Variants in RAB3C observed in about 807,000 individuals in gnomAD.
The protein encoded by RAB3C is ras-related protein Rab-3C.
In RAB3C, 17 loss-of-function variants were observed where a neutral mutation model predicts 26.4. The observed-to-expected ratio is 0.64, with a 90% confidence interval of 0.44 to 0.97. RAB3C has a LOEUF of 0.97. RAB3C is among the 50% of genes least tolerant of loss of function. The pLI is 0.00. For missense variants in RAB3C, 242 were observed against 281.9 expected, an observed-to-expected ratio of 0.86 and a Z score of 1.01; for synonymous variants, 91 against 95.9, an observed-to-expected ratio of 0.95 and a Z score of 0.30.
chr5:58,752,283 A>G (rs966604092), intron 3 of RAB3C, among the ~76,000 whole-genome samples: 1 of 152,172 alleles, frequency 6.6e-6, no homozygotes, highest in African/African-American at 2.4e-5. Context: ...TAGAACTGCA[A>G]TTCAGTGCTT....
intron 3 of RAB3C, among the ~76,000 whole-genome samples, chr5:58,774,041 T>C (rs1742077654): frequency 6.6e-6 from 1 of 152,082 alleles, no homozygotes; most frequent in Non-Finnish European, 1.5e-5. Context: ...GGAGCTCTCC[T>C]CCCTTTGCAT....
intron 4 of RAB3C, among the ~76,000 whole-genome samples, chr5:58,834,885 A>C (rs1005309209): frequency 2.0e-5 from 3 of 152,028 alleles, no homozygotes; most frequent in African/African-American, 4.8e-5. Flanking sequence ...TCTTTATTTC[A>C]TAATCTTATG....
At chr5:58,712,211 G>C (rs146063836) in intron 2 of RAB3C, among the ~76,000 whole-genome samples, 254 of 152,008 alleles carry the variant, frequency 1.7e-3, no homozygotes, top group African/African-American at 5.7e-3. Context: ...CAGGCTCTCA[G>C]ATTGCTTTGT....
At chr5:58,640,954 C>T (rs1747401603) in intron 2 of RAB3C, among the ~76,000 whole-genome samples, 2 of 152,168 alleles carry the variant, frequency 1.3e-5, no homozygotes, top group South Asian at 4.1e-4. Context: ...TAAAGAAATA[C>T]ATATTTTTCT....
At chr5:58,765,481 G>A (rs1018830610) in intron 3 of RAB3C, among the ~76,000 whole-genome samples, 1 of 152,158 alleles carries the variant, frequency 6.6e-6, no homozygotes, top group Non-Finnish European at 1.5e-5. Context: ...GTGTAAAGAG[G>A]AAAGTCCAAA....
chr5:58,789,482 T>A (rs1742471138), intron 3 of RAB3C, among the ~76,000 whole-genome samples: 1 of 152,188 alleles, frequency 6.6e-6, no homozygotes. Flanking sequence ...TGGCCCTGTG[T>A]TTTCTGTTTT....
At chr5:58,735,330 A>C (rs1741110038) in intron 3 of RAB3C, among the ~76,000 whole-genome samples, 1 of 152,348 alleles carries the variant, frequency 6.6e-6, no homozygotes, top group South Asian at 2.1e-4. Flanking sequence ...GTCTGCAACT[A>C]TCCATGAAAG....
chr5:58,777,488 A>G (rs189433332), intron 3 of RAB3C, among the ~76,000 whole-genome samples: 117 of 152,172 alleles, frequency 7.7e-4, no homozygotes, highest in African/African-American at 2.5e-3. Context: ...ATTAATGTCC[A>G]TAGCAGTTCA....
At chr5:58,716,719 G>A (rs999587264) in intron 2 of RAB3C, among the ~76,000 whole-genome samples, 1 of 150,308 alleles carries the variant, frequency 6.7e-6, no homozygotes, top group Non-Finnish European at 1.5e-5. Context: ...GTTTTTGATC[G>A]TGCTCTGCCC....
At chr5:58,785,617 G>C (rs1579917292) in intron 3 of RAB3C, among the ~76,000 whole-genome samples, 2 of 152,294 alleles carry the variant, frequency 1.3e-5, no homozygotes, top group Middle Eastern at 6.8e-3. Flanking sequence ...TGTTGCTGTT[G>C]GTCCAGTGTG....
chr5:58,790,749 A>G (rs1742507363), intron 3 of RAB3C, among the ~76,000 whole-genome samples: 1 of 152,214 alleles, frequency 6.6e-6, no homozygotes, highest in Non-Finnish European at 1.5e-5. Flanking sequence ...ATGTCTCTAT[A>G]GTAACTGTGA....
At chr5:58,775,840 C>T (rs962323064) in intron 3 of RAB3C, among the ~76,000 whole-genome samples, 2 of 152,102 alleles carry the variant, frequency 1.3e-5, no homozygotes, top group Non-Finnish European at 2.9e-5. Flanking sequence ...TCTGTAAATG[C>T]TGTGGATATG....
At chr5:58,595,781 A>T (rs1402108042) in intron 1 of RAB3C, among the ~76,000 whole-genome samples, 2 of 152,094 alleles carry the variant, frequency 1.3e-5, no homozygotes, top group African/African-American at 4.8e-5. Flanking sequence ...GTATTTGAAA[A>T]CACAATGTCT....
At chr5:58,821,924 T>G (rs1272711250) in intron 3 of RAB3C, among the ~76,000 whole-genome samples, 1 of 152,232 alleles carries the variant, frequency 6.6e-6, no homozygotes, top group Admixed American at 6.5e-5. Context: ...CACTTTCTAT[T>G]CAATGATCCT....
chr5:58,632,342 G>A (rs1398907803), intron 2 of RAB3C, among the ~76,000 whole-genome samples: 2 of 152,126 alleles, frequency 1.3e-5, no homozygotes, highest in African/African-American at 2.4e-5. Context: ...GGAATCACTT[G>A]GGGAATTTGT....
chr5:58,843,086 T>G (rs913258178), intron 4 of RAB3C, among the ~76,000 whole-genome samples: 19 of 152,198 alleles, frequency 1.2e-4, no homozygotes, highest in Admixed American at 2.6e-4. Context: ...AAATGAGCCT[T>G]GTAAAGTCAT....
intron 3 of RAB3C, among the ~76,000 whole-genome samples, chr5:58,766,056 G>C (rs1034101218): frequency 3.3e-5 from 5 of 151,694 alleles, no homozygotes; most frequent in African/African-American, 1.2e-4. Flanking sequence ...CATGCTTGCT[G>C]TATGGCTTGT....
intron 2 of RAB3C, among the ~76,000 whole-genome samples, chr5:58,623,341 A>G (rs1019851578): frequency 6.6e-6 from 1 of 152,176 alleles, no homozygotes; most frequent in African/African-American, 2.4e-5. Flanking sequence ...CACCCTACCC[A>G]TTGATTCCAG....
At chr5:58,708,150 C>T (rs1479115537) in intron 2 of RAB3C, among the ~76,000 whole-genome samples, 1 of 152,038 alleles carries the variant, frequency 6.6e-6, no homozygotes, top group Non-Finnish European at 1.5e-5. Flanking sequence ...ACCCCCACAC[C>T]TGGCTAATTT....
Sources: allele counts gnomAD v4.1 joint callset (sites outside exome capture counted in the v4.1 genomes callset), GRCh38; gene constraint gnomAD v4.1.1; transcripts MANE v1.5; gene names NCBI Gene and HGNC (gene_info 2026-07-23, HGNC 2026-07-21).